The following EYA1 variants were observed in gnomAD, a reference collection of about 807,000 sequenced individuals.
EYA1 encodes the protein protein phosphatase EYA1.
A neutral mutation model predicts 82.0 loss-of-function variants in EYA1; 16 were observed. That is an observed-to-expected ratio of 0.20 (90% confidence interval 0.13 to 0.30). The LOEUF (loss-of-function observed/expected upper bound fraction) is 0.30. Ranked by LOEUF, EYA1 falls within the 10% of genes least tolerant of loss-of-function variation. The pLI is 1.00. For missense variants in EYA1, 633 were observed against 730.7 expected, an observed-to-expected ratio of 0.87 and a Z score of 1.54; for synonymous variants, 261 against 264.4, an observed-to-expected ratio of 0.99 and a Z score of 0.12.
In EYA1 at chr8:71,542,217, C is replaced by T. The variant is rs567163077; in HGVS notation, c.-73+5647G>A. ...ATTTTTCCTGATCTTCTCTCTCCTA[C>T]CACCCTTCACCCTCCGATAGACTCC... is the stretch of plus-strand genomic sequence containing the variant. On this transcript the variant is annotated intron_variant, in intron 1 of 18. Transcript: ENST00000643681. Among the ~76,000 whole-genome samples, 3 of 152,268 alleles carry T rather than the reference C, an allele frequency of 2.0e-5. No homozygotes were observed. In the East Asian group the frequency reaches 5.8e-4, roughly 29 times the overall value.
chr8:71,339,429 C>G (rs1214390900), intron 3 of EYA1, among the ~76,000 whole-genome samples: 1 of 152,084 alleles, frequency 6.6e-6, no homozygotes, highest in African/African-American at 2.4e-5. Context: ...TGTCTTTATT[C>G]TTTTGAGTCA....
chr8:71,327,853 C>CTTTTTT (rs71555578), intron 4 of EYA1, among the ~76,000 whole-genome samples: 9 of 110,200 alleles, frequency 8.2e-5, no homozygotes, highest in Non-Finnish European at 1.3e-4. Flanking sequence ...TCTTTAAGTT[C>CTTTTTT]TTTTTTTTTT....
chr8:71,372,570 C>A (rs1421479152), intron 2 of EYA1, among the ~76,000 whole-genome samples: 1 of 151,966 alleles, frequency 6.6e-6, no homozygotes, highest in Non-Finnish European at 1.5e-5. Flanking sequence ...AAAGGAAATT[C>A]TAGAATGATA....
At chr8:71,541,444 T>C (rs1052786793) in intron 1 of EYA1, among the ~76,000 whole-genome samples, 2 of 152,216 alleles carry the variant, frequency 1.3e-5, no homozygotes, top group Non-Finnish European at 2.9e-5. Context: ...TCCTTCTAAC[T>C]TCAGATGAAA....
intron 9 of EYA1, among the ~76,000 whole-genome samples, chr8:71,291,393 C>T (rs1313597046): frequency 6.6e-6 from 1 of 152,130 alleles, no homozygotes; most frequent in Non-Finnish European, 1.5e-5. Context: ...ACTGATTTTT[C>T]CTCTGTCACT....
chr8:71,410,083 T>A (rs1830501583), intron 2 of EYA1, among the ~76,000 whole-genome samples: 1 of 151,924 alleles, frequency 6.6e-6, no homozygotes, highest in Admixed American at 6.6e-5. Context: ...TATACGCAAA[T>A]CAATAAATGT....
intron 1 of EYA1, among the ~76,000 whole-genome samples, chr8:71,361,327 G>A (rs1051729426): frequency 2.0e-5 from 3 of 152,188 alleles, no homozygotes; most frequent in African/African-American, 7.2e-5. Context: ...GAGATATGAA[G>A]TCATCTCCCT....
intron 2 of EYA1, among the ~76,000 whole-genome samples, chr8:71,429,603 G>A (rs770440354): frequency 1.3e-5 from 2 of 152,030 alleles, no homozygotes; most frequent in Admixed American, 6.6e-5. Flanking sequence ...AAATGTTACA[G>A]ATAGAAAAAC....
intron 2 of EYA1, among the ~76,000 whole-genome samples, chr8:71,534,311 C>G (rs1814521684): frequency 6.6e-6 from 1 of 152,080 alleles, no homozygotes; most frequent in Admixed American, 6.5e-5. Context: ...AACAAACAAA[C>G]AAATGAATTA....
chr8:71,448,650 G>A (rs1156266420), intron 2 of EYA1, among the ~76,000 whole-genome samples: 1 of 152,204 alleles, frequency 6.6e-6, no homozygotes, highest in Non-Finnish European at 1.5e-5. Flanking sequence ...TTGCCTAGAT[G>A]CATCAGAGGA....
chr8:71,214,003 C>T (rs1808865749), intron 16 of EYA1, among the ~76,000 whole-genome samples: 1 of 152,112 alleles, frequency 6.6e-6, no homozygotes, highest in Admixed American at 6.6e-5. Context: ...ATACTATGAA[C>T]AAATAATTAT....
intron 2 of EYA1, among the ~76,000 whole-genome samples, chr8:71,388,598 G>T (rs1296016106): frequency 6.6e-6 from 1 of 152,080 alleles, no homozygotes; most frequent in Non-Finnish European, 1.5e-5. Flanking sequence ...CAGCTGCCGG[G>T]GAGTAGAAAC....
chr8:71,475,847 G>A (rs1176304014), intron 2 of EYA1, among the ~76,000 whole-genome samples: 6 of 152,082 alleles, frequency 3.9e-5, no homozygotes. Flanking sequence ...TTATCCATTT[G>A]TTATTGATAT....
intron 9 of EYA1, among the ~76,000 whole-genome samples, chr8:71,289,143 A>T (rs999534806): frequency 2.0e-5 from 3 of 152,204 alleles, no homozygotes; most frequent in African/African-American, 7.2e-5. Flanking sequence ...AAGGAAGGGG[A>T]GGGAAATGGT....
At chr8:71,207,792 A>AAAG (rs1204198118) in intron 17 of EYA1, among the ~76,000 whole-genome samples, 5 of 145,812 alleles carry the variant, frequency 3.4e-5, no homozygotes, top group Admixed American at 1.4e-4. Flanking sequence ...GTGATCTAGG[A>AAAG]AAGAAGGTTA....
In EYA1 at chr8:71,546,762, C is replaced by A. The variant is rs532514910; in HGVS notation, c.-73+1102G>T. ...CAGGCAGTCTGCCCTCCTGGGCCTC[C>A]CACAGTGCTGGGATTACAAGCGTGA... On this transcript the variant is annotated intron_variant, in intron 1 of 18. Transcript: ENST00000643681. Among the ~76,000 whole-genome samples, 5 of 152,270 alleles carry A rather than the reference C, an allele frequency of 3.3e-5. No homozygotes were observed. The East Asian group carries it at 9.7e-4, about 29-fold the overall frequency.
intron 3 of EYA1, among the ~76,000 whole-genome samples, chr8:71,343,178 C>T (rs1004640005): frequency 6.6e-6 from 1 of 152,132 alleles, no homozygotes; most frequent in Non-Finnish European, 1.5e-5. Context: ...TCACTAGTTA[C>T]TAGGTAAACT....
At chr8:71,445,018 T>C in intron 2 of EYA1, among the ~76,000 whole-genome samples, 1 of 152,240 alleles carries the variant, frequency 6.6e-6, no homozygotes, top group East Asian at 1.9e-4. Flanking sequence ...CAAAAAACTC[T>C]CTGAGTTTTC....
chr8:71,541,774 A>T (rs541401709), intron 1 of EYA1, among the ~76,000 whole-genome samples: 1 of 152,206 alleles, frequency 6.6e-6, no homozygotes, highest in Admixed American at 6.5e-5. Flanking sequence ...CTAATTGCAC[A>T]TAGGAAGCTT....
Sources: gnomAD v4.1 joint callset for allele counts (sites outside exome capture counted in the v4.1 genomes callset) on GRCh38, gnomAD v4.1.1 for gene constraint, MANE v1.5 for transcripts, NCBI Gene and HGNC (gene_info 2026-07-23, HGNC 2026-07-21) for gene names.